BANK1: variants seen among roughly 807,000 people sequenced by gnomAD.
BANK1 encodes the protein B cell scaffold protein with ankyrin repeats 1, also known as B-cell scaffold protein with ankyrin repeats.
Under a neutral mutation model 94.5 loss-of-function variants are expected in BANK1, and 95 were observed. That is an observed-to-expected ratio of 1.00 (90% confidence interval 0.85 to 1.19). The LOEUF is 1.19. Among genes scored for constraint, BANK1 ranks in the 50% most tolerant of loss-of-function variants. The probability of loss-of-function intolerance (pLI) is 0.00; values close to 1 mark genes in which losing one functional copy is unlikely to be tolerated. For missense variants in BANK1, 987 were observed against 932.2 expected (o/e 1.06, Z -0.77); for synonymous variants, 334 against 308.4 (o/e 1.08, Z -0.87).
chr4:101,909,260 GAA>G (rs1722574613), intron 6 of BANK1, among the ~76,000 whole-genome samples: 1 of 152,136 alleles, frequency 6.6e-6, no homozygotes, highest in Admixed American at 6.5e-5. Flanking sequence ...GATGAAGCTG[GAA>G]ACCATCATTC....
chr4:101,889,457 G>A (rs2148888729), intron 5 of BANK1, among the ~76,000 whole-genome samples: 1 of 151,502 alleles, frequency 6.6e-6, no homozygotes, highest in South Asian at 2.1e-4. Flanking sequence ...AATTAGCCGG[G>A]CGCGGTGGCG....
chr4:102,051,424 C>T (rs570141665), intron 11 of BANK1, among the ~76,000 whole-genome samples: 13 of 152,144 alleles, frequency 8.5e-5, no homozygotes, highest in Admixed American at 5.9e-4. Context: ...GCAATATGTT[C>T]GCAACCCACA....
chr4:102,068,016 A>C (rs985409153), intron 13 of BANK1, among the ~76,000 whole-genome samples: 1 of 152,130 alleles, frequency 6.6e-6, no homozygotes, highest in Non-Finnish European at 1.5e-5. Context: ...TTAGAAATCA[A>C]TTAAGAATTA....
intron 11 of BANK1, among the ~76,000 whole-genome samples, chr4:102,058,471 A>G (rs903433020): frequency 6.6e-6 from 1 of 152,144 alleles, no homozygotes; most frequent in Non-Finnish European, 1.5e-5. Flanking sequence ...TAAAAAAAAT[A>G]CAAAATTAGG....
At chr4:101,929,497 G>C (rs568389500) in intron 7 of BANK1, among the ~76,000 whole-genome samples, 45 of 151,624 alleles carry the variant, frequency 3.0e-4, no homozygotes, top group African/African-American at 1.1e-3. Flanking sequence ...TATGACACAT[G>C]AATTTTTCTC....
chr4:101,871,097 C>T (rs1168525156), intron 5 of BANK1, among the ~76,000 whole-genome samples: 1 of 152,086 alleles, frequency 6.6e-6, no homozygotes, highest in African/African-American at 2.4e-5. Flanking sequence ...GAAATTGTTA[C>T]TTTCATGTGG....
chr4:101,826,498 A>T (rs1329979143), intron 1 of BANK1, among the ~76,000 whole-genome samples: 1 of 152,000 alleles, frequency 6.6e-6, no homozygotes, highest in Non-Finnish European at 1.5e-5. Context: ...AATTATTATT[A>T]ATTTTATTTA....
chr4:101,862,597 A>C lies in BANK1; in HGVS notation c.696A>C (p.Ser232=). ...ATACTGTAGAGGTTGAATTTACATC[A>C]AGTAATAAGCGCATTAGAACACGGC... ...IGDTVEVEFT[S]SNKRIRTRPA... is the part of the protein sequence containing the mutation. Residue 232 remains serine, a synonymous_variant, in exon 4 of 17, where the codon TCA becomes TCC. Coordinates refer to ENST00000322953, the MANE Select transcript of BANK1 (RefSeq NM_017935.5). 1 of 1,611,872 alleles carries C rather than the reference A, an allele frequency of 6.2e-7. No individual in the cohort carries two copies. The highest frequency in any genetic ancestry group is 8.5e-7 in the Non-Finnish European group (1 of 1,178,810).
In BANK1 at chr4:102,062,946, T is replaced by C. The variant is rs1728468437; in HGVS notation, c.2149-129T>C. The C allele has an allele frequency of 7.6e-6, 5 of 659,666 alleles. No individual in the cohort carries two copies. The East Asian group carries it at 1.1e-4, about 15-fold the overall frequency. The allele number at this position is 659,666 out of a possible 1,614,324, so 40.9% of individuals were successfully genotyped here. A position where few individuals can be genotyped will look rare whatever the true frequency, so the allele number is the denominator to read the frequency against. ...ACGTGGAAAGTATCAAGGATGGCAA[T>C]TGAGACATCATAAGTAGCAAATTAA... On this transcript the variant is annotated intron_variant, in intron 12 of 16. Coordinates refer to ENST00000322953, the MANE Select transcript of BANK1 (RefSeq NM_017935.5).
chr4:102,063,529 T>C (rs1297510354), intron 13 of BANK1, among the ~76,000 whole-genome samples: 1 of 151,940 alleles, frequency 6.6e-6, no homozygotes, highest in Non-Finnish European at 1.5e-5. Flanking sequence ...TGATCCATTA[T>C]ATAAGAAATC....
chr4:102,008,931 G>A (rs73834555), intron 7 of BANK1, among the ~76,000 whole-genome samples: 127 of 152,292 alleles, frequency 8.3e-4, no homozygotes, highest in African/African-American at 2.8e-3. Flanking sequence ...GGAGAAAAAC[G>A]AACAGGGAAG....
chr4:101,913,174 C>T (rs1722720969), intron 6 of BANK1, among the ~76,000 whole-genome samples: 1 of 152,134 alleles, frequency 6.6e-6, no homozygotes, highest in Non-Finnish European at 1.5e-5. Flanking sequence ...TGTCAAGACA[C>T]AGCAGAGACA....
chr4:101,847,595 T>G (rs945905121), intron 2 of BANK1, among the ~76,000 whole-genome samples: 1 of 152,100 alleles, frequency 6.6e-6, no homozygotes, highest in Non-Finnish European at 1.5e-5. Flanking sequence ...GCAGCTTAGC[T>G]CCCAGATATC....
intron 6 of BANK1, among the ~76,000 whole-genome samples, chr4:101,912,146 A>G (rs76665674): frequency 0.011 from 1,703 of 152,164 alleles, 38 homozygotes; most frequent in African/African-American, 0.039. Flanking sequence ...TTACTTTTGC[A>G]GTTGTTATGT....
intron 7 of BANK1, among the ~76,000 whole-genome samples, chr4:101,967,322 T>C (rs1724798778): frequency 6.6e-6 from 1 of 152,002 alleles, no homozygotes; most frequent in South Asian, 2.1e-4. Context: ...GCAAAGGATA[T>C]TAAAAAATTT....
At chr4:101,941,853 T>C (rs906442749) in intron 7 of BANK1, among the ~76,000 whole-genome samples, 4 of 151,858 alleles carry the variant, frequency 2.6e-5, no homozygotes, top group East Asian at 3.9e-4. Context: ...CCAGGGTTTC[T>C]TCACCATTGA....
chr4:102,052,211 G>A lies in BANK1; in HGVS notation c.1970-8000G>A, dbSNP rs182520176. Among the ~76,000 whole-genome samples the A allele has an allele frequency of 8.4e-5, 12 of 143,608 alleles. No individual in the cohort carries two copies. The South Asian group carries it at 8.8e-4, about 11-fold the overall frequency. The allele number at this position is 143,608 out of a possible 152,430, so 94.2% of individuals were successfully genotyped here. On this transcript the variant is annotated intron_variant, in intron 11 of 16. Coordinates refer to ENST00000322953, the MANE Select transcript of BANK1 (RefSeq NM_017935.5). The stretch of plus-strand genomic sequence containing the variant: ...TGGCTCACTGCAGCCTCCGCCTCCC[G>A]TGTTCATCCGATTCTCCTGCCTCAG...
At chr4:101,991,584 G>T (rs1319322782) in intron 7 of BANK1, among the ~76,000 whole-genome samples, 1 of 152,184 alleles carries the variant, frequency 6.6e-6, no homozygotes, top group Non-Finnish European at 1.5e-5. Flanking sequence ...GAGCCCAGGA[G>T]GTGGTTTAAT....
intron 9 of BANK1, among the ~76,000 whole-genome samples, chr4:102,026,684 G>A (rs894435915): frequency 6.6e-6 from 1 of 151,892 alleles, no homozygotes; most frequent in South Asian, 2.1e-4. Flanking sequence ...ACAAAAATTA[G>A]CTGGGCGTGC....
Sources: allele counts gnomAD v4.1 joint callset (sites outside exome capture counted in the v4.1 genomes callset), GRCh38; gene constraint gnomAD v4.1.1; transcripts MANE v1.5; gene names NCBI Gene and HGNC (gene_info 2026-07-23, HGNC 2026-07-21).